Variants in MARCHF1 observed in about 807,000 individuals in gnomAD.
MARCHF1 encodes the protein membrane associated ring-CH-type finger 1.
In MARCHF1, 40 loss-of-function variants were observed where a neutral mutation model predicts 54.2. The ratio of observed to expected loss-of-function variants is 0.74; its 90% confidence interval spans 0.57 to 0.96. The LOEUF (loss-of-function observed/expected upper bound fraction) is 0.96, where lower values mean the gene tolerates loss of function less well. MARCHF1 is among the 40% of genes least tolerant of loss of function. MARCHF1 has a pLI of 0.00. For synonymous variants in MARCHF1, 236 were observed against 236.3 expected, an observed-to-expected ratio of 1.00 and a Z score of 0.01; for missense variants, 586 against 656.5, an observed-to-expected ratio of 0.89 and a Z score of 1.17.
chr4:163,796,584 CTA>C (rs1747922900), intron 4 of MARCHF1, among the ~76,000 whole-genome samples: 1 of 152,010 alleles, frequency 6.6e-6, no homozygotes, highest in East Asian at 1.9e-4. Flanking sequence ...AAGCACAACA[CTA>C]TATTTATTTT....
At chr4:163,865,049 G>T (rs116374268) in intron 3 of MARCHF1, among the ~76,000 whole-genome samples, 1 of 151,748 alleles carries the variant, frequency 6.6e-6, no homozygotes, top group Non-Finnish European at 1.5e-5. Flanking sequence ...TTCCACTCCC[G>T]TCTCTCTTTA....
At chr4:163,912,733 G>A (rs1751221502) in intron 3 of MARCHF1, among the ~76,000 whole-genome samples, 1 of 152,100 alleles carries the variant, frequency 6.6e-6, no homozygotes, top group Non-Finnish European at 1.5e-5. Context: ...CATATACCGT[G>A]GCTGCATAAG....
intron 1 of MARCHF1, among the ~76,000 whole-genome samples, chr4:164,242,688 G>T (rs898681114): frequency 1.4e-4 from 22 of 152,270 alleles, no homozygotes; most frequent in African/African-American, 5.3e-4. Context: ...CTGAGCTACG[G>T]GAGGACATTC....
At chr4:164,367,228 T>C (rs1730903331) in intron 1 of MARCHF1, among the ~76,000 whole-genome samples, 2 of 152,084 alleles carry the variant, frequency 1.3e-5, no homozygotes, top group African/African-American at 4.8e-5. Flanking sequence ...CCAGAAAAAA[T>C]ACTAAATGGT....
chr4:163,854,838 T>C (rs1474567400), intron 3 of MARCHF1, among the ~76,000 whole-genome samples: 4 of 152,144 alleles, frequency 2.6e-5, no homozygotes, highest in Admixed American at 2.6e-4. Context: ...TGGGGGAATG[T>C]TTTGTCTCTG....
At chr4:163,600,776 A>C (rs1368673860) in intron 7 of MARCHF1, among the ~76,000 whole-genome samples, 3 of 152,180 alleles carry the variant, frequency 2.0e-5, no homozygotes, top group African/African-American at 7.2e-5. Flanking sequence ...AGCTGGTAAA[A>C]ATCAGGCAGA....
chr4:163,572,933 T>C lies in MARCHF1; in HGVS notation c.1191+12816A>G, dbSNP rs150970949. Among the ~76,000 whole-genome samples, 886 of 152,238 alleles carry C rather than the reference T, an allele frequency of 5.8e-3. 8 individuals are homozygous for C. The highest frequency in any genetic ancestry group is 0.02 in the African/African-American group (844 of 41,554). Reference sequence around the variant, plus strand: ...CTGTCTAGTTTGAAATAAATACTCATGTGAAAGATAATAACATTGGAATAA... The same window carrying C: ...CTGTCTAGTTTGAAATAAATACTCACGTGAAAGATAATAACATTGGAATAA... On this transcript the variant is annotated intron_variant, in intron 8 of 9. Transcript: ENST00000514618.
chr4:163,939,477 C>G (rs1323144601), intron 3 of MARCHF1, among the ~76,000 whole-genome samples: 1 of 152,030 alleles, frequency 6.6e-6, no homozygotes, highest in African/African-American at 2.4e-5. Context: ...TTCAAAGTGT[C>G]CTCTGTAGTG....
At chr4:164,317,099 C>T (rs973830723) in intron 1 of MARCHF1, among the ~76,000 whole-genome samples, 1 of 152,094 alleles carries the variant, frequency 6.6e-6, no homozygotes, top group African/African-American at 2.4e-5. Flanking sequence ...TTTCTAGTAG[C>T]TAATGTTTTG....
At chr4:163,844,147 G>T (rs183857773) in intron 4 of MARCHF1, among the ~76,000 whole-genome samples, 75 of 151,970 alleles carry the variant, frequency 4.9e-4, no homozygotes, top group Admixed American at 1.8e-3. Flanking sequence ...CTCTCTGAAA[G>T]GTCCCAGCAT....
At chr4:163,999,286 G>A (rs1753141233) in intron 2 of MARCHF1, among the ~76,000 whole-genome samples, 1 of 151,342 alleles carries the variant, frequency 6.6e-6, no homozygotes, top group South Asian at 2.1e-4. Context: ...CTTGGTACAT[G>A]GCTTGTCAAA....
At chr4:163,803,499 A>G (rs1004830250) in intron 4 of MARCHF1, among the ~76,000 whole-genome samples, 1 of 149,150 alleles carries the variant, frequency 6.7e-6, no homozygotes, top group Non-Finnish European at 1.5e-5. Flanking sequence ...GAGTATACTC[A>G]TTCACCATCC....
chr4:164,253,896 A>G (rs376666551), intron 1 of MARCHF1, among the ~76,000 whole-genome samples: 2 of 152,306 alleles, frequency 1.3e-5, no homozygotes, highest in East Asian at 3.9e-4. Flanking sequence ...CAAGGGGAAA[A>G]AAAGCAATCT....
intron 4 of MARCHF1, among the ~76,000 whole-genome samples, chr4:163,765,832 A>C (rs1746959209): frequency 6.7e-6 from 1 of 148,172 alleles, no homozygotes. Flanking sequence ...ATAGATATAG[A>C]TATAGATATA....
chr4:163,734,604 G>T (rs1344811406), intron 4 of MARCHF1, among the ~76,000 whole-genome samples: 1 of 151,498 alleles, frequency 6.6e-6, no homozygotes, highest in African/African-American at 2.4e-5. Context: ...AGGTAGGATG[G>T]TCAAATTCTA....
intron 1 of MARCHF1, among the ~76,000 whole-genome samples, chr4:164,225,100 T>C (rs941877412): frequency 6.6e-6 from 1 of 152,038 alleles, no homozygotes; most frequent in Admixed American, 6.6e-5. Flanking sequence ...AAGTCTCCCA[T>C]GGTACATTTC....
intron 1 of MARCHF1, among the ~76,000 whole-genome samples, chr4:164,159,631 G>A (rs1287904945): frequency 6.6e-6 from 1 of 152,088 alleles, no homozygotes; most frequent in Non-Finnish European, 1.5e-5. Flanking sequence ...CTCAATATGA[G>A]CTTCTGTGTT....
Position 163,571,042 on chromosome 4 carries a change from C to A in MARCHF1, c.1191+14707G>T, listed in dbSNP as rs541995062. Among the ~76,000 whole-genome samples, 59 of 152,158 alleles carry A rather than the reference C, an allele frequency of 3.9e-4. 1 individual carries two copies. Among genetic ancestry groups the A allele is most frequent in the Middle Eastern group, 3.4e-3 (1 of 292 alleles). On this transcript the variant is annotated intron_variant, in intron 8 of 9. Transcript: ENST00000514618. ...TTTGGACAGGGTAATCTTTATGCAT[C>A]TTTCTAGCCCTGGTTCCCTACAGTC...
intron 2 of MARCHF1, among the ~76,000 whole-genome samples, chr4:164,061,862 TGCTGA>T (rs1754624499): frequency 6.6e-6 from 1 of 152,196 alleles, no homozygotes; most frequent in African/African-American, 2.4e-5. Flanking sequence ...TGTTAATGGA[TGCTGA>T]CCGTTCAGGC....
Sources: gnomAD v4.1 joint callset for allele counts (sites outside exome capture counted in the v4.1 genomes callset) on GRCh38, gnomAD v4.1.1 for gene constraint, MANE v1.5 for transcripts, NCBI Gene and HGNC (gene_info 2026-07-23, HGNC 2026-07-21) for gene names.